Variants in ZMAT5 observed in about 807,000 individuals in gnomAD.
ZMAT5 encodes the protein zinc finger matrin-type protein 5.
In ZMAT5, 23 loss-of-function variants were observed where a neutral mutation model predicts 28.0. That is an observed-to-expected ratio of 0.82 (90% confidence interval 0.59 to 1.16). The LOEUF (loss-of-function observed/expected upper bound fraction) is 1.16. Ranked by LOEUF, ZMAT5 falls within the 50% of genes most tolerant of loss-of-function variation. ZMAT5 has a pLI of 0.00. For missense variants in ZMAT5, 173 were observed against 212.7 expected, an observed-to-expected ratio of 0.81 and a Z score of 1.16; for synonymous variants, 76 against 84.1, an observed-to-expected ratio of 0.90 and a Z score of 0.52.
rs561741720 is a variant in ZMAT5 at position 29,760,969 on chromosome 22, T to G, written c.-28+5903A>C. Among the ~76,000 whole-genome samples, 3 of 152,238 alleles carry G rather than the reference T, an allele frequency of 2.0e-5. No homozygotes were observed. The South Asian group carries it at 6.2e-4, about 32-fold the overall frequency. ...CCTAAATTTAGTAATAATCTGTATATTTTGGAATTAAAAAGTAGCTGTTGG... is the reference window on the plus strand; with the variant it reads ...CCTAAATTTAGTAATAATCTGTATAGTTTGGAATTAAAAAGTAGCTGTTGG... On this transcript the variant is annotated intron_variant, in intron 1 of 5. Coordinates refer to ENST00000344318, the MANE Select transcript of ZMAT5 (RefSeq NM_001003692.2).
intron 5 of ZMAT5, 138 bp from the exon 6 acceptor site, chr22:29,731,492 C>T (rs1156523588): frequency 9.3e-6 from 11 of 1,184,390 alleles, no homozygotes; most frequent in African/African-American, 1.6e-5. Context: ...GGCAGAGCCT[C>T]GAAAATAGGC....
chr22:29,738,379 CCTCCAGATGGCCCTCGGGGAG>C lies in ZMAT5; in HGVS notation c.313_333del (p.Leu105_Glu111del). On this transcript the variant is annotated inframe_deletion, in exon 5 of 6. Transcript: ENST00000344318. ...CGCTTGGCTCTCTTCTCCAGCCAGT[CCTCCAGATGGCCCTCGGGGAG>C]CTCAGGAGCATCTAGTAGCCACTCC... 1 of 1,610,196 alleles carries C rather than the reference CCTCCAGATGGCCCTCGGGGAG, an allele frequency of 6.2e-7. No individual in the cohort carries two copies. Among genetic ancestry groups the C allele is most frequent in the African/African-American group, 1.3e-5 (1 of 74,540 alleles).
chr22:29,764,739 G>A (rs1305553883), intron 1 of ZMAT5, among the ~76,000 whole-genome samples: 5 of 152,132 alleles, frequency 3.3e-5, no homozygotes, highest in Admixed American at 6.5e-5. Flanking sequence ...CTGACCTCAA[G>A]TGATCCACCC....
intron 1 of ZMAT5, among the ~76,000 whole-genome samples, chr22:29,760,118 T>C (rs918593003): frequency 6.6e-6 from 1 of 151,956 alleles, no homozygotes; most frequent in African/African-American, 2.4e-5. Flanking sequence ...GGAGAATTTC[T>C]TGAACCCGGG....
chr22:29,734,445 G>T (rs530493032), intron 5 of ZMAT5, among the ~76,000 whole-genome samples: 1 of 152,190 alleles, frequency 6.6e-6, no homozygotes, highest in Non-Finnish European at 1.5e-5. Context: ...AGGAAGAGGG[G>T]GTCCCCCAGG....
intron 2 of ZMAT5, among the ~76,000 whole-genome samples, chr22:29,742,735 G>T (rs1259902197): frequency 6.6e-6 from 1 of 152,232 alleles, no homozygotes; most frequent in Admixed American, 6.5e-5. Flanking sequence ...CAAGTTTCAT[G>T]CCAGCAGTTC....
chr22:29,731,488 G>T, intron 5 of ZMAT5, 134 bp from the exon 6 acceptor site: 1 of 1,257,242 alleles, frequency 8.0e-7, no homozygotes, highest in Non-Finnish European at 1.1e-6. Context: ...GGAAGGCAGA[G>T]CCTCGAAAAT....
chr22:29,736,071 G>C (rs935498244), intron 5 of ZMAT5, among the ~76,000 whole-genome samples: 1 of 152,210 alleles, frequency 6.6e-6, no homozygotes, highest in Non-Finnish European at 1.5e-5. Flanking sequence ...GGTGCAACTC[G>C]GTTAGCAGGT....
At chr22:29,765,548 C>G (rs2068200477) in intron 1 of ZMAT5, among the ~76,000 whole-genome samples, 1 of 152,164 alleles carries the variant, frequency 6.6e-6, no homozygotes, top group African/African-American at 2.4e-5. Context: ...AATCTGATCA[C>G]TGCCCTGCTC....
rs574004342 is a variant in ZMAT5, at chr22:29,738,107, C to T, written c.383+223G>A. Among the ~76,000 whole-genome samples, 350 of 152,280 alleles carry T rather than the reference C, an allele frequency of 2.3e-3. 1 individual carries two copies. Among genetic ancestry groups the T allele is most frequent in the African/African-American group, 7.8e-3 (326 of 41,576 alleles). ...CTGCCTCCCCTCCAGCCAGCACAGA[C>T]TCCAACAGGGGCCCAGCTTTGGGAG... is the stretch of plus-strand genomic sequence containing the variant. On this transcript the variant is annotated intron_variant, in intron 5 of 5. Coordinates refer to ENST00000344318, the MANE Select transcript of ZMAT5 (RefSeq NM_001003692.2).
chr22:29,744,504 G>A (rs2067991731), intron 2 of ZMAT5, among the ~76,000 whole-genome samples: 1 of 151,932 alleles, frequency 6.6e-6, no homozygotes, highest in African/African-American at 2.4e-5. Context: ...ATTGTACCCA[G>A]CTGGTGCTAC....
intron 1 of ZMAT5, among the ~76,000 whole-genome samples, chr22:29,760,451 C>T (rs1411361862): frequency 2.0e-5 from 3 of 151,272 alleles, no homozygotes; most frequent in Non-Finnish European, 2.9e-5. Flanking sequence ...AGCTGAGGCA[C>T]GAGATTGAAC....
intron 5 of ZMAT5, among the ~76,000 whole-genome samples, chr22:29,734,697 T>A (rs2067887450): frequency 6.6e-6 from 1 of 152,048 alleles, no homozygotes; most frequent in Non-Finnish European, 1.5e-5. Context: ...ATGCGCAAGG[T>A]GCTCCAAAAT....
chr22:29,743,572 A>G (rs1308784627), intron 2 of ZMAT5, among the ~76,000 whole-genome samples: 1 of 152,126 alleles, frequency 6.6e-6, no homozygotes, highest in Admixed American at 6.5e-5. Flanking sequence ...CTGGGACTAC[A>G]GGCGTCCGCC....
chr22:29,735,760 A>G (rs2067898291), intron 5 of ZMAT5, among the ~76,000 whole-genome samples: 1 of 152,148 alleles, frequency 6.6e-6, no homozygotes, highest in Non-Finnish European at 1.5e-5. Flanking sequence ...CTCAATTCTC[A>G]TATGGTCACC....
At chr22:29,743,314 T>C (rs1214193056) in intron 2 of ZMAT5, among the ~76,000 whole-genome samples, 1 of 152,194 alleles carries the variant, frequency 6.6e-6, no homozygotes, top group Non-Finnish European at 1.5e-5. Context: ...CCACCAGCTG[T>C]AGGGCACTCA....
At chr22:29,751,028 G>C (rs2068051228) in intron 1 of ZMAT5, among the ~76,000 whole-genome samples, 1 of 152,226 alleles carries the variant, frequency 6.6e-6, no homozygotes, top group African/African-American at 2.4e-5. Flanking sequence ...AAATTTGGCA[G>C]CTCTAATACA....
At chr22:29,748,325 C>T (rs1353763074) in intron 2 of ZMAT5, 93 bp downstream of exon 2, 6 of 1,587,052 alleles carry the variant, frequency 3.8e-6, no homozygotes, top group Middle Eastern at 1.7e-4. Flanking sequence ...AGAGCCCAGA[C>T]CTAGACTGTC....
intron 1 of ZMAT5, among the ~76,000 whole-genome samples, chr22:29,750,808 G>A (rs1292415968): frequency 6.6e-6 from 1 of 152,218 alleles, no homozygotes; most frequent in African/African-American, 2.4e-5. Context: ...CTCAGGAGGA[G>A]GAGACTGGGG....
Sources: allele counts gnomAD v4.1 joint callset (sites outside exome capture counted in the v4.1 genomes callset), GRCh38; gene constraint gnomAD v4.1.1; transcripts MANE v1.5; gene names NCBI Gene and HGNC (gene_info 2026-07-23, HGNC 2026-07-21).